The following SUMF1 variants were observed in gnomAD, a reference collection of about 807,000 sequenced individuals.
SUMF1 encodes sulfatase modifying factor 1, also known as formylglycine-generating enzyme.
In SUMF1, 48 loss-of-function variants were observed where a neutral mutation model predicts 47.6. The observed-to-expected ratio is 1.01, with a 90% CI of 0.80 to 1.28. The LOEUF (loss-of-function observed/expected upper bound fraction) is 1.28. SUMF1 is among the 50% of genes most tolerant of loss of function. The pLI is 0.00. For missense variants in SUMF1, 571 were observed against 485.4 expected, an observed-to-expected ratio of 1.18 and a Z score of -1.66; for synonymous variants, 230 against 192.1, an observed-to-expected ratio of 1.20 and a Z score of -1.63.
intron 3 of SUMF1, among the ~76,000 whole-genome samples, chr3:4,438,773 T>C (rs1396242055): frequency 1.2e-4 from 18 of 152,136 alleles, no homozygotes. Flanking sequence ...AGTAAGGATA[T>C]AGAAAATTTG....
chr3:4,417,348 AGTGAGCCAGTTAAAATATATATATAAAT>A, intron 5 of SUMF1, 106 bp from the exon 6 acceptor site: 1 of 807,920 alleles, frequency 1.2e-6, no homozygotes, highest in Non-Finnish European at 2.1e-6. Context: ...GCTTGTTCTG[AGTGAGCCAGTTAAAATATATATATAAAT>A]AAATAAAGCT....
At chr3:4,143,002 A>C (rs1694108348) in intron 8 of SUMF1, among the ~76,000 whole-genome samples, 2 of 152,098 alleles carry the variant, frequency 1.3e-5, no homozygotes, top group South Asian at 4.1e-4. Context: ...AAGACAAAGA[A>C]TACTCTGACA....
Position 4,367,220 on chromosome 3 carries a change from C to T in SUMF1, c.1015-4966G>A, listed in dbSNP as rs532654261. On this transcript the variant is annotated intron_variant, in intron 8 of 8. Coordinates refer to ENST00000272902, the MANE Select transcript of SUMF1 (RefSeq NM_182760.4). ...CTGCCCATTCTCAGATCTCCAGCTG[C>T]GTGCTGGGAGAACCACTGCTCTCTT... is the stretch of plus-strand genomic sequence containing the variant. 7.5e-3 allele frequency among the ~76,000 whole-genome samples: 1,141 copies of T among 152,256 alleles called. 6 individuals carry two copies. The highest frequency in any genetic ancestry group is 0.014 in the Middle Eastern group (4 of 294).
At chr3:4,460,823 A>AT (rs111801896) in intron 1 of SUMF1, among the ~76,000 whole-genome samples, 12 of 146,238 alleles carry the variant, frequency 8.2e-5, no homozygotes, top group South Asian at 2.2e-4. Flanking sequence ...CACCCTGCTA[A>AT]TTTTTTTTTT....
At chr3:4,422,201 G>A (rs942377070) in intron 3 of SUMF1, among the ~76,000 whole-genome samples, 1 of 152,104 alleles carries the variant, frequency 6.6e-6, no homozygotes, top group Non-Finnish European at 1.5e-5. Flanking sequence ...TGACTGGGCT[G>A]TGCAGGTTTA....
At chr3:4,130,067 A>G (rs1693750575) in intron 8 of SUMF1, among the ~76,000 whole-genome samples, 1 of 152,188 alleles carries the variant, frequency 6.6e-6, no homozygotes, top group Admixed American at 6.5e-5. Context: ...GACTGCAGAG[A>G]TTAGTGCCAC....
At chr3:4,161,799 G>T (rs974943587) in intron 8 of SUMF1, among the ~76,000 whole-genome samples, 1 of 152,058 alleles carries the variant, frequency 6.6e-6, no homozygotes, top group African/African-American at 2.4e-5. Flanking sequence ...CTACCCCACT[G>T]TGGCTGAGCT....
intron 8 of SUMF1, among the ~76,000 whole-genome samples, chr3:4,252,806 A>C (rs1696836697): frequency 6.6e-6 from 1 of 152,140 alleles, no homozygotes; most frequent in African/African-American, 2.4e-5. Context: ...AAATGGTCTG[A>C]CTCAGTGAAT....
intron 8 of SUMF1, among the ~76,000 whole-genome samples, chr3:4,348,376 C>T (rs1001520938): frequency 2.0e-5 from 3 of 152,118 alleles, no homozygotes; most frequent in Non-Finnish European, 2.9e-5. Flanking sequence ...CAATACCACA[C>T]ATCTACAACC....
intron 3 of SUMF1, 116 bp downstream of exon 3, chr3:4,449,150 G>A (rs1298515003): frequency 1.8e-6 from 2 of 1,128,308 alleles, no homozygotes; most frequent in Non-Finnish European, 2.7e-6. Flanking sequence ...TCCTCAGCAG[G>A]AGAATGGTTA....
intron 8 of SUMF1, among the ~76,000 whole-genome samples, chr3:4,124,790 T>C (rs1443446509): frequency 7.2e-6 from 1 of 138,418 alleles, no homozygotes; most frequent in Non-Finnish European, 1.6e-5. Flanking sequence ...GAATACTACC[T>C]ATCTGTATCT....
chr3:4,196,459 G>C (rs1695432068), intron 8 of SUMF1, among the ~76,000 whole-genome samples: 1 of 152,082 alleles, frequency 6.6e-6, no homozygotes, highest in African/African-American at 2.4e-5. Context: ...GGAAGGAGTT[G>C]CAGTCAAGGA....
chr3:4,111,844 A>C (rs1240593718), intron 8 of SUMF1, among the ~76,000 whole-genome samples: 1 of 152,180 alleles, frequency 6.6e-6, no homozygotes, highest in Non-Finnish European at 1.5e-5. Context: ...ATGGCAAAAA[A>C]AATTTGAAGT....
intron 9 of SUMF1, among the ~76,000 whole-genome samples, chr3:4,039,312 G>A (rs541983331): frequency 0.013 from 1,337 of 106,744 alleles, 45 homozygotes; most frequent in African/African-American, 0.042. Flanking sequence ...ATGCTGGTGC[G>A]CTGCACCCAC....
chr3:4,202,603 C>T (rs1695564544), intron 8 of SUMF1, among the ~76,000 whole-genome samples: 1 of 151,826 alleles, frequency 6.6e-6, no homozygotes, highest in African/African-American at 2.4e-5. Flanking sequence ...TTTTGTGGTT[C>T]TATATGAATT....
chr3:4,426,586 G>A (rs1180055550), intron 3 of SUMF1, among the ~76,000 whole-genome samples: 1 of 152,152 alleles, frequency 6.6e-6, no homozygotes, highest in Non-Finnish European at 1.5e-5. Flanking sequence ...CAACTTTTAA[G>A]AGTCATATAT....
chr3:4,293,352 G>T (rs1697778103), intron 8 of SUMF1, among the ~76,000 whole-genome samples: 1 of 152,170 alleles, frequency 6.6e-6, no homozygotes. Context: ...CTATTCTGAA[G>T]CTAAAAGGTT....
intron 8 of SUMF1, among the ~76,000 whole-genome samples, chr3:4,350,253 A>T (rs564802674): frequency 6.6e-6 from 1 of 150,680 alleles, no homozygotes; most frequent in East Asian, 1.9e-4. Flanking sequence ...CAAACTCCTG[A>T]CCTCGTGATC....
intron 7 of SUMF1, among the ~76,000 whole-genome samples, chr3:4,402,326 C>T (rs936638120): frequency 6.6e-6 from 1 of 152,154 alleles, no homozygotes; most frequent in African/African-American, 2.4e-5. Context: ...GTACCTCCTC[C>T]AAGAAGCCTT....
Sources: gnomAD v4.1 joint callset for allele counts (sites outside exome capture counted in the v4.1 genomes callset) on GRCh38, gnomAD v4.1.1 for gene constraint, MANE v1.5 for transcripts, NCBI Gene and HGNC (gene_info 2026-07-23, HGNC 2026-07-21) for gene names.